Variants in ANKS1B observed in about 807,000 individuals in gnomAD.
The protein encoded by ANKS1B is ankyrin repeat and sterile alpha motif domain-containing protein 1B.
ANKS1B carries 36 observed loss-of-function variants against 148.3 expected under a neutral mutation model. That is an observed-to-expected ratio of 0.24 (90% CI 0.19 to 0.32). ANKS1B has a LOEUF of 0.32. Ranked by LOEUF, ANKS1B falls within the 10% of genes least tolerant of loss-of-function variation. The pLI is 1.00. For synonymous variants in ANKS1B, 542 were observed against 560.8 expected, an observed-to-expected ratio of 0.97 and a Z score of 0.47; for missense variants, 1,157 against 1,542.6, an observed-to-expected ratio of 0.75 and a Z score of 4.19.
chr12:99,333,368 G>A (rs1054984408), intron 12 of ANKS1B, among the ~76,000 whole-genome samples: 1 of 152,062 alleles, frequency 6.6e-6, no homozygotes, highest in Non-Finnish European at 1.5e-5. Context: ...GATTCAAGAA[G>A]CAGGTGCACA....
chr12:98,831,540 T>G (rs1355109762), intron 18 of ANKS1B: 1 of 153,182 alleles, frequency 6.5e-6, no homozygotes, highest in African/African-American at 2.4e-5. Context: ...TAGTGGTTTG[T>G]CAGGCTGAAT....
chr12:99,403,436 C>T lies in ANKS1B; in HGVS notation c.1576-3625G>A, dbSNP rs145881367. Among the ~76,000 whole-genome samples, 805 of 143,740 alleles carry T rather than the reference C, an allele frequency of 5.6e-3. 89 individuals are homozygous for T. The highest frequency in any genetic ancestry group is 7.6e-3 in the Non-Finnish European group (499 of 65,480). The allele number at this position is 143,740 out of a possible 152,430, so 94.3% of individuals were successfully genotyped here. A position where few individuals can be genotyped will look rare whatever the true frequency, so the allele number is the denominator to read the frequency against. On this transcript the variant is annotated intron_variant, in intron 11 of 26. Transcript: ENST00000683438. ...CCTCCCAAAGTGCTGGGATTACAGG[C>T]GTGAACGACCATACCCAGCCCCCAA...
rs535623762 is a variant in ANKS1B at position 99,603,282 on chromosome 12, A to C, written c.1272+51785T>G. On this transcript the variant is annotated intron_variant, in intron 9 of 26. Transcript: ENST00000683438. ...AAAAGCTTCTTGAGGCTAGGAATCC[A>C]AGCCAAGGACTCACTGTCAAATTTC... Among the ~76,000 whole-genome samples, 96 of 152,238 alleles carry C rather than the reference A, an allele frequency of 6.3e-4. 1 individual carries two copies. The highest frequency in any genetic ancestry group is 2.2e-3 in the African/African-American group (91 of 41,566).
intron 10 of ANKS1B, among the ~76,000 whole-genome samples, chr12:99,498,639 C>A (rs1477900820): frequency 6.6e-6 from 1 of 152,164 alleles, no homozygotes; most frequent in East Asian, 1.9e-4. Context: ...ACACTTATAC[C>A]TTTTGCTCTG....
chr12:99,138,424 G>A (rs947089077), intron 15 of ANKS1B, among the ~76,000 whole-genome samples: 4 of 152,208 alleles, frequency 2.6e-5, no homozygotes, highest in Non-Finnish European at 5.9e-5. Flanking sequence ...TGTTTGGAGA[G>A]ATACCTAATG....
intron 8 of ANKS1B, among the ~76,000 whole-genome samples, chr12:99,680,700 G>A (rs774712014): frequency 2.2e-4 from 34 of 152,180 alleles, no homozygotes; most frequent in Non-Finnish European, 4.1e-4. Context: ...GGTGAAGCCT[G>A]AAATCCCTGC....
intron 17 of ANKS1B, among the ~76,000 whole-genome samples, chr12:98,909,853 A>G (rs994683228): frequency 6.6e-6 from 1 of 152,250 alleles, no homozygotes; most frequent in African/African-American, 2.4e-5. Flanking sequence ...CCAAAGGAGC[A>G]CATGAATAAT....
At chr12:99,300,844 T>A (rs1283288438) in intron 12 of ANKS1B, among the ~76,000 whole-genome samples, 1 of 152,090 alleles carries the variant, frequency 6.6e-6, no homozygotes, top group Non-Finnish European at 1.5e-5. Context: ...TAGAAAAAAA[T>A]TTAAAAGTGC....
chr12:99,639,747 G>A (rs1408076872), intron 9 of ANKS1B, among the ~76,000 whole-genome samples: 2 of 152,134 alleles, frequency 1.3e-5, no homozygotes, highest in African/African-American at 4.8e-5. Flanking sequence ...AATCTTGATT[G>A]TAAGTTTCCT....
intron 1 of ANKS1B, among the ~76,000 whole-genome samples, chr12:99,963,141 G>A (rs1340132920): frequency 6.6e-6 from 1 of 152,114 alleles, no homozygotes; most frequent in Non-Finnish European, 1.5e-5. Flanking sequence ...CCGTGTGTTG[G>A]CCACGTAAAT....
chr12:98,808,311 AT>A (rs1365438610), intron 19 of ANKS1B, among the ~76,000 whole-genome samples: 1 of 152,176 alleles, frequency 6.6e-6, no homozygotes, highest in African/African-American at 2.4e-5. Flanking sequence ...CAGGTCCGAT[AT>A]TTTTATTTTC....
intron 12 of ANKS1B, among the ~76,000 whole-genome samples, chr12:99,369,747 A>AAGATAGATAGATAGATAGAT (rs75456516): frequency 3.3e-4 from 48 of 143,404 alleles, no homozygotes; most frequent in South Asian, 9.0e-4. Flanking sequence ...AATGGATAGA[A>AAGATAGATAGATAGATAGAT]AGATAGATAG....
Position 98,813,784 on chromosome 12 carries a change from G to C in ANKS1B, c.3067-5866C>G, listed in dbSNP as rs182651284. Among the ~76,000 whole-genome samples, 450 of 152,014 alleles carry C rather than the reference G, an allele frequency of 3.0e-3. 2 individuals carry two copies. Among genetic ancestry groups the C allele is most frequent in the Admixed American group, 4.7e-3 (72 of 15,278 alleles). ...TGGCCAGGCTGGTCTCAAACTCCTGGCCTCAAGTGATCCAACCACCTTGGC... is the reference window on the plus strand; with the variant it reads ...TGGCCAGGCTGGTCTCAAACTCCTGCCCTCAAGTGATCCAACCACCTTGGC... On this transcript the variant is annotated intron_variant, in intron 19 of 26. Transcript: ENST00000683438.
At chr12:99,811,220 G>A (rs1287590960) in intron 3 of ANKS1B, among the ~76,000 whole-genome samples, 1 of 151,610 alleles carries the variant, frequency 6.6e-6, no homozygotes, top group Non-Finnish European at 1.5e-5. Flanking sequence ...TTATCCTTCA[G>A]TCTGAATTTC....
rs1259931300 is a variant in ANKS1B at position 99,588,222 on chromosome 12, C to CAAAG, written c.1272+66844_1272+66845insCTTT. ...ATAAAAATGCTTTGAGCTAAACACT[C>CAAAG]TTAGAATTAATAAACTGTCTGGTTA... is the stretch of plus-strand genomic sequence containing the variant. On this transcript the variant is annotated intron_variant, in intron 9 of 26. Transcript: ENST00000683438. 7.0e-4 allele frequency among the ~76,000 whole-genome samples: 107 copies of CAAAG among 152,016 alleles called. 3 individuals are homozygous for CAAAG. Among genetic ancestry groups the CAAAG allele is most frequent in the Non-Finnish European group, 2.2e-4 (15 of 67,982 alleles).
chr12:99,961,204 G>A (rs892258417), intron 1 of ANKS1B, among the ~76,000 whole-genome samples: 27 of 151,680 alleles, frequency 1.8e-4, no homozygotes, highest in African/African-American at 6.3e-4. Flanking sequence ...ACTCCAGCCT[G>A]GGCAGCAGAG....
At chr12:99,843,477 G>A (rs1400109864) in intron 1 of ANKS1B, among the ~76,000 whole-genome samples, 1 of 151,834 alleles carries the variant, frequency 6.6e-6, no homozygotes, top group African/African-American at 2.4e-5. Flanking sequence ...CTCATCATTT[G>A]CCTCCCACTT....
intron 8 of ANKS1B, among the ~76,000 whole-genome samples, chr12:99,668,799 A>G (rs1447166654): frequency 6.6e-6 from 1 of 151,054 alleles, no homozygotes; most frequent in Non-Finnish European, 1.5e-5. Context: ...ATTGCATGAT[A>G]TTTTTTCACA....
At chr12:99,319,445 G>T (rs1164584502) in intron 12 of ANKS1B, among the ~76,000 whole-genome samples, 1 of 152,116 alleles carries the variant, frequency 6.6e-6, no homozygotes, top group African/African-American at 2.4e-5. Flanking sequence ...TGTCTCTTTT[G>T]ATCTTTGTTG....
Sources: allele counts gnomAD v4.1 joint callset (sites outside exome capture counted in the v4.1 genomes callset), GRCh38; gene constraint gnomAD v4.1.1; transcripts MANE v1.5; gene names NCBI Gene and HGNC (gene_info 2026-07-23, HGNC 2026-07-21).